TBCK: variants seen among roughly 807,000 people sequenced by gnomAD.
TBCK encodes the protein TBC domain-containing protein kinase-like protein.
In TBCK, 99 loss-of-function variants were observed where a neutral mutation model predicts 113.4. The observed-to-expected ratio is 0.87, with a 90% CI of 0.74 to 1.03. The LOEUF (loss-of-function observed/expected upper bound fraction) is 1.03, where lower values mean the gene tolerates loss of function less well. Ranked by LOEUF, TBCK falls within the 50% of genes least tolerant of loss-of-function variation. The probability of loss-of-function intolerance (pLI) is 0.00; values close to 1 mark genes in which losing one functional copy is unlikely to be tolerated. For synonymous variants in TBCK, 369 were observed against 370.8 expected (o/e 1.00, Z 0.05); for missense variants, 1,045 against 1,061.3 (o/e 0.98, Z 0.21).
intron 12 of TBCK, among the ~76,000 whole-genome samples, chr4:106,241,636 CTA>C (rs1354222991): frequency 6.6e-6 from 1 of 151,710 alleles, no homozygotes; most frequent in African/African-American, 2.4e-5. Context: ...GAAGAGAAAA[CTA>C]TTCAATATAT....
At chr4:106,050,293 G>GA (rs903110847) in intron 25 of TBCK, among the ~76,000 whole-genome samples, 3 of 151,102 alleles carry the variant, frequency 2.0e-5, no homozygotes, top group Admixed American at 6.6e-5. Flanking sequence ...ATAACAACCA[G>GA]AAAAAAAACG....
chr4:106,176,974 TA>T (rs780379317), intron 22 of TBCK, among the ~76,000 whole-genome samples: 15 of 149,764 alleles, frequency 1.0e-4, no homozygotes, highest in South Asian at 2.1e-4. Flanking sequence ...TTTTTTTTTT[TA>T]AATACAGGGT....
intron 3 of TBCK, among the ~76,000 whole-genome samples, chr4:106,279,643 T>C (rs556631069): frequency 6.1e-4 from 93 of 152,260 alleles, no homozygotes; most frequent in Admixed American, 1.0e-3. Flanking sequence ...CCATCCTCTC[T>C]ATCTCCATGA....
chr4:106,073,563 C>T (rs943508925), intron 25 of TBCK, among the ~76,000 whole-genome samples: 9 of 152,212 alleles, frequency 5.9e-5, no homozygotes, highest in African/African-American at 2.2e-4. Context: ...AGTTAGGCTG[C>T]ACGGGTGTCA....
chr4:106,242,656 T>A, intron 11 of TBCK, 87 bp from the exon 12 acceptor site: 2 of 779,002 alleles, frequency 2.6e-6, no homozygotes, highest in Admixed American at 3.1e-5. Flanking sequence ...AAGTCATCAA[T>A]CCCTTCATCA....
In TBCK at chr4:106,306,228, C is replaced by G. The variant is rs562098468; in HGVS notation, c.193+2540G>C. On this transcript the variant is annotated intron_variant, in intron 2 of 25. Coordinates refer to ENST00000394708, the MANE Select transcript of TBCK (RefSeq NM_001163435.3). ...AGGACTACAGGAACAAGACACCATG[C>G]CTGGCTAATTTTTTTTTTTTTTTTT... Among the ~76,000 whole-genome samples, 36 of 149,854 alleles carry G rather than the reference C, an allele frequency of 2.4e-4. No individual in the cohort carries two copies. In the South Asian group the frequency reaches 7.4e-3, roughly 31 times the overall value.
chr4:106,272,849 G>C (rs893772690), intron 3 of TBCK, among the ~76,000 whole-genome samples: 7 of 152,106 alleles, frequency 4.6e-5, no homozygotes, highest in Non-Finnish European at 2.9e-5. Flanking sequence ...AGATGTAATA[G>C]AATATAAGCA....
intron 8 of TBCK, 110 bp downstream of exon 8, chr4:106,248,811 C>T (rs1056614358): frequency 3.6e-6 from 3 of 827,398 alleles, no homozygotes; most frequent in African/African-American, 3.5e-5. Context: ...ACTTGGACTT[C>T]CTAGTTTCAA....
chr4:106,246,479 C>A (rs1443331734), intron 10 of TBCK, among the ~76,000 whole-genome samples: 1 of 151,840 alleles, frequency 6.6e-6, no homozygotes, highest in Non-Finnish European at 1.5e-5. Flanking sequence ...ATATATAATT[C>A]TTATCAATAA....
At chr4:106,162,506 C>G (rs1749910638) in intron 23 of TBCK, among the ~76,000 whole-genome samples, 1 of 152,190 alleles carries the variant, frequency 6.6e-6, no homozygotes, top group Non-Finnish European at 1.5e-5. Flanking sequence ...CCCTTCTGCA[C>G]TGCCTTAGCA....
intron 20 of TBCK, among the ~76,000 whole-genome samples, chr4:106,211,208 CT>C (rs932051704): frequency 1.3e-5 from 2 of 151,986 alleles, no homozygotes; most frequent in Admixed American, 1.3e-4. Context: ...ACTTAATATT[CT>C]TTTTTACTCA....
chr4:106,110,679 C>T (rs977700112), intron 24 of TBCK, among the ~76,000 whole-genome samples: 1 of 151,994 alleles, frequency 6.6e-6, no homozygotes. Flanking sequence ...GCAATGGGTC[C>T]CAATAACATC....
intron 23 of TBCK, among the ~76,000 whole-genome samples, chr4:106,138,563 T>C (rs2149645023): frequency 7.1e-6 from 1 of 141,074 alleles, no homozygotes; most frequent in East Asian, 2.0e-4. Flanking sequence ...TTGGGAAATA[T>C]TTCATACAGT....
Position 106,194,892 on chromosome 4 carries a change from T to C in TBCK, c.1861-138A>G, listed in dbSNP as rs140488279. ...TTATTGGTTAAAATAAAAGAGAATG[T>C]AGTGTTAAGTTTAGCCTAAAGCTGC... On this transcript the variant is annotated intron_variant, in intron 20 of 25. Coordinates refer to ENST00000394708, the MANE Select transcript of TBCK (RefSeq NM_001163435.3). 112 of 815,948 alleles carry C rather than the reference T, an allele frequency of 1.4e-4. No individual in the cohort carries two copies. In the African/African-American group the frequency reaches 1.9e-3, roughly 14 times the overall value. The allele number at this position is 815,948 out of a possible 1,614,324, so 50.5% of individuals were successfully genotyped here.
At chr4:106,306,104 G>T (rs1028432603) in intron 2 of TBCK, among the ~76,000 whole-genome samples, 1 of 151,820 alleles carries the variant, frequency 6.6e-6, no homozygotes, top group African/African-American at 2.4e-5. Context: ...TCTCTTGGGG[G>T]TCTGGATTGG....
intron 23 of TBCK, among the ~76,000 whole-genome samples, chr4:106,123,737 A>G (rs1744764972): frequency 6.6e-6 from 1 of 151,994 alleles, no homozygotes; most frequent in South Asian, 2.1e-4. Context: ...CCTGAGAAAA[A>G]CAAGCAATGG....
chr4:106,124,483 C>G (rs1210120887), intron 23 of TBCK, among the ~76,000 whole-genome samples: 1 of 152,110 alleles, frequency 6.6e-6, no homozygotes, highest in Non-Finnish European at 1.5e-5. Context: ...CCATTTGACC[C>G]AGCCATCCCA....
intron 25 of TBCK, among the ~76,000 whole-genome samples, chr4:106,057,212 A>G (rs1735537123): frequency 6.6e-6 from 1 of 151,662 alleles, no homozygotes; most frequent in African/African-American, 2.4e-5. Flanking sequence ...AGATAGTGAG[A>G]GACTGAAAGC....
At chr4:106,148,627 A>C (rs1159297980) in intron 23 of TBCK, among the ~76,000 whole-genome samples, 1 of 152,236 alleles carries the variant, frequency 6.6e-6, no homozygotes, top group East Asian at 1.9e-4. Flanking sequence ...CAGTAGGTCT[A>C]AATAGTGAGC....
Sources: gnomAD v4.1 joint callset for allele counts (sites outside exome capture counted in the v4.1 genomes callset) on GRCh38, gnomAD v4.1.1 for gene constraint, MANE v1.5 for transcripts, NCBI Gene and HGNC (gene_info 2026-07-23, HGNC 2026-07-21) for gene names.